Variants in GLG1 observed in about 807,000 individuals in gnomAD.
The protein encoded by GLG1 is golgi glycoprotein 1, also known as Golgi apparatus protein 1.
A neutral mutation model predicts 160.5 loss-of-function variants in GLG1; 38 were observed. That is an observed-to-expected ratio of 0.24 (90% CI 0.18 to 0.31). The LOEUF (loss-of-function observed/expected upper bound fraction) is 0.31, where lower values mean the gene tolerates loss of function less well. Among genes scored for constraint, GLG1 ranks in the 10% least tolerant of loss-of-function variants. The pLI, the probability that GLG1 is intolerant of heterozygous loss-of-function variation, is 1.00. For synonymous variants in GLG1, 644 were observed against 543.4 expected (o/e 1.19, Z -2.57); for missense variants, 1,373 against 1,505.2 (o/e 0.91, Z 1.45).
chr16:74,557,618 C>T (rs553063330), intron 1 of GLG1, among the ~76,000 whole-genome samples: 125 of 152,308 alleles, frequency 8.2e-4, no homozygotes, highest in African/African-American at 3.0e-3. Context: ...GCTCTTGAGA[C>T]TGAGCAGGTA....
intron 1 of GLG1, among the ~76,000 whole-genome samples, chr16:74,562,935 T>C (rs764751449): frequency 2.0e-5 from 3 of 152,280 alleles, no homozygotes; most frequent in East Asian, 3.9e-4. Flanking sequence ...TCAATTGATA[T>C]CACAATGCAG....
intron 1 of GLG1, among the ~76,000 whole-genome samples, chr16:74,551,462 G>A (rs1317383280): frequency 8.3e-6 from 1 of 121,034 alleles, no homozygotes; most frequent in Non-Finnish European, 1.7e-5. Flanking sequence ...ACACCACCAT[G>A]TCTGGCTATT....
chr16:74,522,619 CG>C (rs1452362834), intron 2 of GLG1, among the ~76,000 whole-genome samples: 1 of 152,014 alleles, frequency 6.6e-6, no homozygotes, highest in Non-Finnish European at 1.5e-5. Flanking sequence ...CACTGTCAGA[CG>C]TATGTATTAT....
intron 22 of GLG1, among the ~76,000 whole-genome samples, chr16:74,460,747 T>A (rs62052078): frequency 0.03 from 4,495 of 152,360 alleles, 87 homozygotes; most frequent in Non-Finnish European, 0.046. Context: ...AATCAATAAA[T>A]GTCATATCTT....
chr16:74,530,269 A>G (rs2017489271), intron 2 of GLG1, among the ~76,000 whole-genome samples: 1 of 152,198 alleles, frequency 6.6e-6, no homozygotes, highest in Non-Finnish European at 1.5e-5. Flanking sequence ...TCTTTTAACT[A>G]TCCATAAATT....
intron 4 of GLG1, among the ~76,000 whole-genome samples, chr16:74,498,124 C>A (rs1236295466): frequency 6.6e-6 from 1 of 151,538 alleles, no homozygotes; most frequent in Non-Finnish European, 1.5e-5. Context: ...TATAGCAAAC[C>A]AAAGCATCTT....
At chr16:74,491,306 C>A (rs2015975652) in intron 7 of GLG1, 91 bp from the exon 8 acceptor site, 4 of 901,520 alleles carry the variant, frequency 4.4e-6, no homozygotes, top group Non-Finnish European at 7.3e-6. Context: ...ATATTTCTAT[C>A]TGTAATACAA....
In GLG1 at chr16:74,457,931, C is replaced by A. The variant is rs2014624944; in HGVS notation, c.3208G>T (p.Ala1070Ser). ...TGGTGTTTAATGTCCAGGGCACAAG[C>A]AGTATGAAGTACCGGGTCAACAAAG... ...DIFVDPVLHTACALDIKHHCA... is the reference protein window; with the variant it reads ...DIFVDPVLHTSCALDIKHHCA... The change falls in exon 24 of 26, where the codon GCT becomes TCT. Residue 1070 changes from alanine (A) to serine (S), a missense_variant. Coordinates refer to ENST00000422840, the MANE Select transcript of GLG1 (RefSeq NM_001145667.2). 1 of 1,613,888 alleles carries A rather than the reference C, an allele frequency of 6.2e-7. No homozygotes were observed. The highest frequency in any genetic ancestry group is 8.5e-7 in the Non-Finnish European group (1 of 1,179,814).
chr16:74,541,048 G>A (rs924404213), intron 1 of GLG1, among the ~76,000 whole-genome samples: 3 of 152,084 alleles, frequency 2.0e-5, no homozygotes, highest in Non-Finnish European at 2.9e-5. Flanking sequence ...TTCTTCTGCC[G>A]GGTGTGGTGG....
chr16:74,602,371 C>CA (rs923491932), intron 1 of GLG1, among the ~76,000 whole-genome samples: 77 of 151,680 alleles, frequency 5.1e-4, no homozygotes, highest in African/African-American at 1.8e-3. Context: ...CAAAAACAAA[C>CA]AAAAAAAACC....
chr16:74,572,430 G>A (rs2018855438), intron 1 of GLG1, among the ~76,000 whole-genome samples: 1 of 150,338 alleles, frequency 6.7e-6, no homozygotes, highest in African/African-American at 2.4e-5. Flanking sequence ...AGAGTCACTT[G>A]AACTTGGGAG....
intron 1 of GLG1, among the ~76,000 whole-genome samples, chr16:74,606,266 T>C (rs1475235617): frequency 1.3e-5 from 2 of 152,254 alleles, no homozygotes; most frequent in African/African-American, 2.4e-5. Context: ...CATTTTTTTA[T>C]GTTTAAATGG....
At chr16:74,478,111 G>T (rs756455625) in intron 11 of GLG1, among the ~76,000 whole-genome samples, 1 of 152,102 alleles carries the variant, frequency 6.6e-6, no homozygotes, top group Admixed American at 6.6e-5. Context: ...ATTCTTTTAT[G>T]ACAGTATCCT....
chr16:74,527,808 C>T (rs1272738302), intron 2 of GLG1, among the ~76,000 whole-genome samples: 1 of 151,766 alleles, frequency 6.6e-6, no homozygotes, highest in Non-Finnish European at 1.5e-5. Context: ...CTCACTGCGA[C>T]CTCTTCCTCC....
intron 4 of GLG1, among the ~76,000 whole-genome samples, chr16:74,500,158 A>G (rs1282750209): frequency 6.6e-6 from 1 of 152,218 alleles, no homozygotes; most frequent in East Asian, 1.9e-4. Flanking sequence ...ACTGAAAGGC[A>G]TATAAATATT....
At chr16:74,486,507 G>A (rs1567474398) in intron 8 of GLG1, among the ~76,000 whole-genome samples, 1 of 152,204 alleles carries the variant, frequency 6.6e-6, no homozygotes, top group Non-Finnish European at 1.5e-5. Flanking sequence ...AGGTAAACCA[G>A]AGCTTGCTCA....
Position 74,606,894 on chromosome 16 carries a change from A to AGGCAGCTGG in GLG1, c.192_200dup (p.Leu66_Gln68dup). On this transcript the variant is annotated inframe_insertion, in exon 1 of 26. Transcript: ENST00000422840. ...GTTGCTGCTGAAGCTGCGATGACTG[A>AGGCAGCTGG]GGCAGCTGGGGCAGCTGCTGACCCG... 1 of 1,603,162 alleles carries AGGCAGCTGG rather than the reference A, an allele frequency of 6.2e-7. No homozygotes were observed. Among genetic ancestry groups the AGGCAGCTGG allele is most frequent in the Non-Finnish European group, 8.5e-7 (1 of 1,176,174 alleles).
At chr16:74,593,844 C>A (rs982542393) in intron 1 of GLG1, among the ~76,000 whole-genome samples, 1 of 152,266 alleles carries the variant, frequency 6.6e-6, no homozygotes, top group South Asian at 2.1e-4. Flanking sequence ...TTTTACTCAT[C>A]TACCATTTCA....
Position 74,465,732 on chromosome 16 carries a change from T to A in GLG1, c.2611A>T (p.Met871Leu), listed in dbSNP as rs1172575257. 1.9e-6 allele frequency: 3 copies of A among 1,613,722 alleles called. No homozygotes were observed. The highest frequency in any genetic ancestry group is 2.7e-5 in the African/African-American group (2 of 74,896). ...GTGTAGTCTAGCTCTGGGTCCATCATCTCTGTCTCCTGCAGCTTAAATACT... is the reference window on the plus strand; with the variant it reads ...GTGTAGTCTAGCTCTGGGTCCATCAACTCTGTCTCCTGCAGCTTAAATACT... ...QKVFKLQETE[M>L]MDPELDYTLM... Residue 871 changes from methionine (M) to leucine (L), a missense_variant, in exon 19 of 26, where the codon ATG becomes TTG. Met to Leu is a conservative substitution (Grantham distance 15, BLOSUM62 2). Transcript: ENST00000422840.
Sources: allele counts gnomAD v4.1 joint callset (sites outside exome capture counted in the v4.1 genomes callset), GRCh38; gene constraint gnomAD v4.1.1; transcripts MANE v1.5; gene names NCBI Gene and HGNC (gene_info 2026-07-23, HGNC 2026-07-21).